CNTNAP2: variants seen among roughly 807,000 people sequenced by gnomAD.
CNTNAP2 encodes contactin-associated protein-like 2.
Under a neutral mutation model 155.2 loss-of-function variants are expected in CNTNAP2, and 98 were observed. That is an observed-to-expected ratio of 0.63 (90% confidence interval 0.54 to 0.75). CNTNAP2 has a LOEUF of 0.75. Ranked by LOEUF, CNTNAP2 falls within the 30% of genes least tolerant of loss-of-function variation. The probability of loss-of-function intolerance (pLI) is 0.00; values close to 1 mark genes in which losing one functional copy is unlikely to be tolerated. For missense variants in CNTNAP2, 1,727 were observed against 1,688.1 expected, an observed-to-expected ratio of 1.02 and a Z score of -0.40; for synonymous variants, 651 against 631.2, an observed-to-expected ratio of 1.03 and a Z score of -0.47.
intron 11 of CNTNAP2, among the ~76,000 whole-genome samples, chr7:147,502,386 C>A (rs915241052): frequency 1.1e-4 from 17 of 151,714 alleles, no homozygotes; most frequent in African/African-American, 3.9e-4. Context: ...ATAAGCCAGA[C>A]AGAGAAAAAC....
chr7:147,601,061 G>T (rs187845661), intron 12 of CNTNAP2, among the ~76,000 whole-genome samples: 90 of 152,188 alleles, frequency 5.9e-4, no homozygotes, highest in African/African-American at 2.1e-3. Context: ...TCCAAAATTG[G>T]AGAGAGCACT....
At chr7:146,590,088 G>A (rs1413062868) in intron 1 of CNTNAP2, among the ~76,000 whole-genome samples, 1 of 152,054 alleles carries the variant, frequency 6.6e-6, no homozygotes, top group Non-Finnish European at 1.5e-5. Flanking sequence ...TAGCTTTCCG[G>A]CTTCGTTGTC....
At chr7:147,465,591 A>C (rs146701686) in intron 10 of CNTNAP2, among the ~76,000 whole-genome samples, 44 of 152,396 alleles carry the variant, frequency 2.9e-4, no homozygotes, top group African/African-American at 1.0e-3. Context: ...CAATTTAAGC[A>C]TAAATCAACA....
intron 10 of CNTNAP2, among the ~76,000 whole-genome samples, chr7:147,447,626 G>A (rs372436581): frequency 6.0e-4 from 92 of 152,170 alleles, no homozygotes; most frequent in African/African-American, 1.9e-3. Flanking sequence ...CAACATGTTG[G>A]CCAGGCTGGC....
chr7:147,132,961 A>T (rs1029443846), intron 8 of CNTNAP2, among the ~76,000 whole-genome samples: 2 of 152,156 alleles, frequency 1.3e-5, no homozygotes, highest in African/African-American at 4.8e-5. Context: ...CAGAACTTCA[A>T]AATGATCTTG....
chr7:147,839,906 T>C (rs1798699730), intron 13 of CNTNAP2, among the ~76,000 whole-genome samples: 1 of 150,838 alleles, frequency 6.6e-6, no homozygotes, highest in African/African-American at 2.5e-5. Flanking sequence ...TGTATATATA[T>C]GTGTGTGTGT....
At chr7:146,759,711 A>AAAAAAAAAAGG (rs1309834469) in intron 1 of CNTNAP2, among the ~76,000 whole-genome samples, 1 of 60,732 alleles carries the variant, frequency 1.6e-5, no homozygotes, top group African/African-American at 6.0e-5. Context: ...AAAAAAAAAA[A>AAAAAAAAAAGG]GGTGGGTGGG....
intron 3 of CNTNAP2, among the ~76,000 whole-genome samples, chr7:147,009,836 G>A (rs750857594): frequency 6.6e-6 from 1 of 151,992 alleles, no homozygotes; most frequent in Non-Finnish European, 1.5e-5. Context: ...AAATCAGTCA[G>A]ATTCTTTAGA....
chr7:147,493,053 T>C (rs1798637436), intron 11 of CNTNAP2, among the ~76,000 whole-genome samples: 1 of 152,194 alleles, frequency 6.6e-6, no homozygotes, highest in African/African-American at 2.4e-5. Flanking sequence ...AAAGAACTTA[T>C]GCCACTAAGT....
At chr7:148,339,211 A>G (rs7792214) in intron 21 of CNTNAP2, among the ~76,000 whole-genome samples, 40,827 of 151,290 alleles carry the variant, frequency 0.27, 6,052 homozygotes, top group African/African-American at 0.39. Context: ...AACAGTATCA[A>G]AGGTGCTTAA....
intron 3 of CNTNAP2, among the ~76,000 whole-genome samples, chr7:146,857,557 T>C (rs1390753918): frequency 6.6e-6 from 1 of 152,188 alleles, no homozygotes; most frequent in Non-Finnish European, 1.5e-5. Context: ...AACTAGCTAA[T>C]AAGTGGTGTT....
At chr7:147,919,055 G>C (rs1420200557) in intron 14 of CNTNAP2, among the ~76,000 whole-genome samples, 1 of 152,140 alleles carries the variant, frequency 6.6e-6, no homozygotes, top group African/African-American at 2.4e-5. Context: ...AAAGAAATGT[G>C]ATGACAGTAG....
intron 15 of CNTNAP2, among the ~76,000 whole-genome samples, chr7:148,029,729 T>G (rs1259979572): frequency 6.6e-6 from 1 of 152,240 alleles, no homozygotes. Context: ...GACTATATTT[T>G]ATTCCACCAC....
intron 3 of CNTNAP2, among the ~76,000 whole-genome samples, chr7:147,020,013 ATGGTAT>A (rs1798791817): frequency 1.3e-5 from 2 of 152,216 alleles, no homozygotes; most frequent in African/African-American, 4.8e-5. Context: ...ATGGTATGGT[ATGGTAT>A]AGTACAGTAC....
chr7:146,403,514 A>G (rs762475307), intron 1 of CNTNAP2, among the ~76,000 whole-genome samples: 1 of 152,124 alleles, frequency 6.6e-6, no homozygotes, highest in Non-Finnish European at 1.5e-5. Context: ...TTTATTTTTG[A>G]TCAGTTTCTA....
chr7:146,473,615 G>A (rs199787060), intron 1 of CNTNAP2, among the ~76,000 whole-genome samples: 8 of 151,976 alleles, frequency 5.3e-5, no homozygotes, highest in African/African-American at 1.7e-4. Flanking sequence ...CTCAATAAAC[G>A]CCCCTGGATT....
intron 3 of CNTNAP2, among the ~76,000 whole-genome samples, chr7:146,868,820 T>C (rs1185947833): frequency 2.0e-5 from 3 of 152,188 alleles, no homozygotes. Flanking sequence ...TCTGCTTAGC[T>C]GTTGTTGGTA....
intron 17 of CNTNAP2, among the ~76,000 whole-genome samples, chr7:148,159,010 A>G (rs1805461132): frequency 6.6e-6 from 1 of 152,172 alleles, no homozygotes; most frequent in African/African-American, 2.4e-5. Flanking sequence ...ACAGTACACT[A>G]TGAGCGTGAG....
chr7:146,818,539 GAA>G (rs1419559415), intron 2 of CNTNAP2, among the ~76,000 whole-genome samples: 3 of 151,942 alleles, frequency 2.0e-5, no homozygotes, highest in Non-Finnish European at 4.4e-5. Context: ...TACCTCCATG[GAA>G]AAAGAAAGCA....
Sources: allele counts gnomAD v4.1 joint callset (sites outside exome capture counted in the v4.1 genomes callset), GRCh38; gene constraint gnomAD v4.1.1; transcripts MANE v1.5; gene names NCBI Gene and HGNC (gene_info 2026-07-23, HGNC 2026-07-21).